Variants in DPP10 observed in about 807,000 individuals in gnomAD.
The protein encoded by DPP10 is inactive dipeptidyl peptidase 10.
In DPP10, 33 loss-of-function variants were observed where a neutral mutation model predicts 120.9. The ratio of observed to expected loss-of-function variants is 0.27; its 90% CI spans 0.21 to 0.37. The LOEUF is 0.37. DPP10 is among the 10% of genes least tolerant of loss of function. DPP10 has a pLI of 1.00. For missense variants in DPP10, 816 were observed against 942.8 expected (o/e 0.87, Z 1.76); for synonymous variants, 337 against 326.1 (o/e 1.03, Z -0.36).
intron 5 of DPP10, among the ~76,000 whole-genome samples, chr2:115,585,748 A>AT (rs1285495809): frequency 4.6e-5 from 7 of 151,984 alleles, no homozygotes; most frequent in Admixed American, 2.6e-4. Flanking sequence ...TAGTTTAGTG[A>AT]TTTTTTTTAA....
intron 4 of DPP10, among the ~76,000 whole-genome samples, chr2:115,508,800 G>A (rs2148826366): frequency 6.6e-6 from 1 of 152,322 alleles, no homozygotes; most frequent in East Asian, 1.9e-4. Context: ...CTACTCAGGA[G>A]GCTGAGGCAG....
chr2:115,602,885 C>G (rs949058283), intron 5 of DPP10, among the ~76,000 whole-genome samples: 4 of 152,152 alleles, frequency 2.6e-5, no homozygotes, highest in African/African-American at 9.7e-5. Flanking sequence ...ATATCCCTCT[C>G]TTAATTCTTT....
At chr2:114,585,074 CAT>C (rs1307941134) in intron 1 of DPP10, among the ~76,000 whole-genome samples, 1 of 152,166 alleles carries the variant, frequency 6.6e-6, no homozygotes, top group Non-Finnish European at 1.5e-5. Context: ...TTTATTAGTT[CAT>C]AGTGCCGCAG....
chr2:115,637,206 A>G (rs192894160), intron 5 of DPP10, among the ~76,000 whole-genome samples: 33 of 152,352 alleles, frequency 2.2e-4, no homozygotes, highest in Admixed American at 2.1e-3. Context: ...ATGTGACTAA[A>G]TCAAAGCAAA....
At chr2:115,574,584 G>A (rs2081539316) in intron 5 of DPP10, among the ~76,000 whole-genome samples, 1 of 152,120 alleles carries the variant, frequency 6.6e-6, no homozygotes, top group Non-Finnish European at 1.5e-5. Context: ...ACCCTCCTCT[G>A]TGCTTCCAAA....
intron 1 of DPP10, among the ~76,000 whole-genome samples, chr2:114,640,676 T>C (rs1695641530): frequency 6.6e-6 from 1 of 151,874 alleles, no homozygotes; most frequent in South Asian, 2.1e-4. Context: ...ATGTTGATGG[T>C]AGCCCCAGCT....
intron 2 of DPP10, among the ~76,000 whole-genome samples, chr2:115,341,389 G>C (rs75443293): frequency 0.013 from 2,021 of 152,000 alleles, 40 homozygotes; most frequent in African/African-American, 0.047. Flanking sequence ...ACCATGCATA[G>C]CTTCCCCAAT....
At chr2:115,794,652 G>A (rs1218933971) in intron 19 of DPP10, among the ~76,000 whole-genome samples, 5 of 151,962 alleles carry the variant, frequency 3.3e-5, no homozygotes, top group Admixed American at 2.0e-4. Flanking sequence ...TGGTCTCTAC[G>A]GAGTCATGAT....
At position 115,791,072 on chromosome 2, in the gene DPP10, G is replaced by T. The variant is rs2149911788; in HGVS notation, c.1532-9G>T. ...GTTAGCTATTTACACTACCCTTTTT[G>T]GTTTACAGAATATTTTATATTGGAA... On this transcript the variant is annotated splice_polypyrimidine_tract_variant and intron_variant, in intron 17 of 25. Coordinates refer to ENST00000410059, the MANE Select transcript of DPP10 (RefSeq NM_020868.6). 6.3e-7 allele frequency: 1 copy of T among 1,597,394 alleles called. No individual in the cohort carries two copies. The highest frequency in any genetic ancestry group is 1.4e-5 in the African/African-American group (1 of 73,800).
intron 7 of DPP10, among the ~76,000 whole-genome samples, chr2:115,694,000 C>T (rs1259940957): frequency 6.6e-6 from 1 of 152,022 alleles, no homozygotes; most frequent in Non-Finnish European, 1.5e-5. Flanking sequence ...CCTTAGGGAA[C>T]TTTAGGGTGA....
At chr2:114,515,703 TCTC>T (rs537130371) in intron 1 of DPP10, among the ~76,000 whole-genome samples, 207 of 152,242 alleles carry the variant, frequency 1.4e-3, no homozygotes, top group African/African-American at 4.7e-3. Context: ...TAAAAATGGC[TCTC>T]CTCTTCTTCT....
chr2:114,942,336 TATACGTATATATACATATATATATAC>T, intron 1 of DPP10, among the ~76,000 whole-genome samples: 1 of 112,714 alleles, frequency 8.9e-6, no homozygotes, highest in African/African-American at 3.4e-5. Context: ...CACATATATA[TATACGTATATATACATATATATATAC>T]ATATATATAC....
rs532198126 is a variant in DPP10, at chr2:115,831,533, C to T, written c.1951-4624C>T. ...GATTACAGGCTTGAGCCACCATGTC[C>T]GGCCCAAATAACCTCTTGTAAAATC... On this transcript the variant is annotated intron_variant, in intron 21 of 25. Coordinates refer to ENST00000410059, the MANE Select transcript of DPP10 (RefSeq NM_020868.6). Among the ~76,000 whole-genome samples, 12 of 152,238 alleles carry T rather than the reference C, an allele frequency of 7.9e-5. No individual in the cohort carries two copies. In the South Asian group the frequency reaches 2.5e-3, roughly 32 times the overall value.
At chr2:114,949,803 A>C (rs1264579084) in intron 1 of DPP10, among the ~76,000 whole-genome samples, 1 of 152,206 alleles carries the variant, frequency 6.6e-6, no homozygotes, top group Non-Finnish European at 1.5e-5. Context: ...AAACAATGTG[A>C]GAATTCTTCC....
intron 1 of DPP10, among the ~76,000 whole-genome samples, chr2:114,745,481 A>G (rs1678494641): frequency 6.6e-6 from 1 of 152,228 alleles, no homozygotes; most frequent in South Asian, 2.1e-4. Context: ...TTTAATTAAA[A>G]TTGGATTCTA....
intron 1 of DPP10, among the ~76,000 whole-genome samples, chr2:114,670,210 C>T (rs1698226737): frequency 6.6e-6 from 1 of 152,126 alleles, no homozygotes; most frequent in African/African-American, 2.4e-5. Flanking sequence ...GCTATAAAGA[C>T]ACATGCACAC....
chr2:115,636,016 A>G (rs998817854), intron 5 of DPP10, among the ~76,000 whole-genome samples: 5 of 152,160 alleles, frequency 3.3e-5, no homozygotes, highest in Admixed American at 3.3e-4. Flanking sequence ...ATCTTAACCA[A>G]GTGGCTAAGT....
chr2:115,588,925 C>T (rs1230577150), intron 5 of DPP10, among the ~76,000 whole-genome samples: 1 of 152,122 alleles, frequency 6.6e-6, no homozygotes, highest in East Asian at 1.9e-4. Flanking sequence ...ATGGCTCAGA[C>T]TGGATTGTAC....
rs2063053293 is a variant in DPP10, at chr2:115,335,267, T to C, written c.176-8550T>C. ...CATGTGGGAATTGTGGGAGTTACAA[T>C]TGAAAATGAGATTTGGGTAGGGACA... On this transcript the variant is annotated intron_variant, in intron 2 of 25. Transcript: ENST00000410059. Among the ~76,000 whole-genome samples the C allele has an allele frequency of 3.3e-5, 5 of 152,130 alleles. No homozygotes were observed. In the South Asian group the frequency reaches 1.0e-3, roughly 32 times the overall value.
Sources: gnomAD v4.1 joint callset for allele counts (sites outside exome capture counted in the v4.1 genomes callset) on GRCh38, gnomAD v4.1.1 for gene constraint, MANE v1.5 for transcripts, NCBI Gene and HGNC (gene_info 2026-07-23, HGNC 2026-07-21) for gene names.